The following CFAP299 variants were observed in gnomAD, a reference collection of about 807,000 sequenced individuals.
CFAP299 encodes cilia- and flagella-associated protein 299.
CFAP299 carries 21 observed loss-of-function variants against 27.0 expected under a neutral mutation model. The observed-to-expected ratio is 0.78, with a 90% CI of 0.55 to 1.12. The LOEUF (loss-of-function observed/expected upper bound fraction) is 1.12. Among genes scored for constraint, CFAP299 ranks in the 50% most tolerant of loss-of-function variants. CFAP299 has a pLI of 0.00. For synonymous variants in CFAP299, 104 were observed against 98.1 expected, an observed-to-expected ratio of 1.06 and a Z score of -0.36; for missense variants, 310 against 276.6, an observed-to-expected ratio of 1.12 and a Z score of -0.86.
chr4:80,654,422 C>G (rs1266812395), intron 3 of CFAP299, among the ~76,000 whole-genome samples: 3 of 152,058 alleles, frequency 2.0e-5, no homozygotes. Flanking sequence ...TTTCTTCAGC[C>G]TTTAGGGTAA....
At chr4:80,871,367 T>G in intron 4 of CFAP299, 3 of 985,472 alleles carry the variant, frequency 3.0e-6, no homozygotes, top group Non-Finnish European at 3.6e-6. Flanking sequence ...CACATTTTTT[T>G]CACTGCACTT....
At chr4:80,849,470 T>C (rs1731376041) in intron 3 of CFAP299, among the ~76,000 whole-genome samples, 1 of 152,120 alleles carries the variant, frequency 6.6e-6, no homozygotes, top group Non-Finnish European at 1.5e-5. Flanking sequence ...GTTTGAAACC[T>C]AGAAAAAAAT....
At chr4:80,405,552 C>A (rs971937408) in intron 2 of CFAP299, among the ~76,000 whole-genome samples, 4 of 151,922 alleles carry the variant, frequency 2.6e-5, no homozygotes, top group African/African-American at 9.7e-5. Context: ...TTTCAATTTG[C>A]AATTTTAAAA....
intron 2 of CFAP299, among the ~76,000 whole-genome samples, chr4:80,430,833 C>A (rs1334993951): frequency 6.6e-6 from 1 of 152,164 alleles, no homozygotes; most frequent in Non-Finnish European, 1.5e-5. Context: ...CATCTTTTTA[C>A]CTCATTAGCC....
intron 3 of CFAP299, among the ~76,000 whole-genome samples, chr4:80,757,411 G>C (rs964928896): frequency 1.3e-5 from 2 of 151,988 alleles, no homozygotes; most frequent in Admixed American, 6.6e-5. Flanking sequence ...GAAATTAGAG[G>C]ACAAATGTTT....
At chr4:80,639,286 C>G (rs752992069) in intron 3 of CFAP299, among the ~76,000 whole-genome samples, 3 of 152,100 alleles carry the variant, frequency 2.0e-5, no homozygotes, top group Admixed American at 6.5e-5. Flanking sequence ...GAGTAAAATA[C>G]AAATACTCTA....
chr4:80,701,836 T>C (rs903045042), intron 3 of CFAP299, among the ~76,000 whole-genome samples: 1 of 152,038 alleles, frequency 6.6e-6, no homozygotes, highest in African/African-American at 2.4e-5. Context: ...AGAATGATTA[T>C]AAACAATGAA....
intron 4 of CFAP299, among the ~76,000 whole-genome samples, chr4:80,913,566 T>C (rs1735587558): frequency 6.6e-6 from 1 of 152,122 alleles, no homozygotes; most frequent in South Asian, 2.1e-4. Context: ...ACTATGGCAT[T>C]GTAGAGGCAA....
chr4:80,416,515 A>ATC (rs1339135064), intron 2 of CFAP299, among the ~76,000 whole-genome samples: 1 of 152,188 alleles, frequency 6.6e-6, no homozygotes, highest in Non-Finnish European at 1.5e-5. Context: ...TTGTAAATCT[A>ATC]TATATTTCTG....
chr4:80,772,941 A>G (rs1726307090), intron 3 of CFAP299, among the ~76,000 whole-genome samples: 1 of 152,210 alleles, frequency 6.6e-6, no homozygotes, highest in Non-Finnish European at 1.5e-5. Flanking sequence ...TTACAATAGC[A>G]AAGACATGGA....
intron 2 of CFAP299, among the ~76,000 whole-genome samples, chr4:80,394,906 G>T (rs1284788733): frequency 1.3e-5 from 2 of 151,898 alleles, no homozygotes; most frequent in Non-Finnish European, 2.9e-5. Context: ...TTGGCTATTT[G>T]GGGTCTTTTG....
At chr4:80,511,063 C>T (rs747177507) in intron 2 of CFAP299, among the ~76,000 whole-genome samples, 2 of 152,202 alleles carry the variant, frequency 1.3e-5, no homozygotes, top group Non-Finnish European at 2.9e-5. Flanking sequence ...TTTAATGTTC[C>T]TATTTACTGA....
At chr4:80,838,449 G>T (rs1226215082) in intron 3 of CFAP299, among the ~76,000 whole-genome samples, 2 of 152,132 alleles carry the variant, frequency 1.3e-5, no homozygotes, top group Non-Finnish European at 2.9e-5. Flanking sequence ...TAGTGTGTAA[G>T]ATAGGGGTCC....
intron 2 of CFAP299, among the ~76,000 whole-genome samples, chr4:80,518,209 G>C (rs1244127140): frequency 1.3e-5 from 2 of 152,040 alleles, no homozygotes; most frequent in African/African-American, 4.8e-5. Flanking sequence ...TGGTGTACAG[G>C]AAATGATGCT....
intron 2 of CFAP299, among the ~76,000 whole-genome samples, chr4:80,418,632 T>G (rs1727136309): frequency 6.6e-6 from 1 of 152,174 alleles, no homozygotes; most frequent in Non-Finnish European, 1.5e-5. Flanking sequence ...TTGACTATCA[T>G]TTTTCCATTC....
chr4:80,321,983 A>C, the CFAP299 span, among the ~76,000 whole-genome samples: 3 of 152,180 alleles, frequency 2.0e-5, no homozygotes, highest in Non-Finnish European at 4.4e-5. Flanking sequence ...GTGGAAGGAC[A>C]GGTGCCCTGC....
At chr4:80,634,416 A>G (rs1739387318) in intron 3 of CFAP299, among the ~76,000 whole-genome samples, 1 of 152,080 alleles carries the variant, frequency 6.6e-6, no homozygotes, top group South Asian at 2.1e-4. Flanking sequence ...TGATTCCCTC[A>G]TGTGTAAAAT....
At chr4:80,953,687 A>T (rs1409716856) in intron 5 of CFAP299, among the ~76,000 whole-genome samples, 1 of 152,200 alleles carries the variant, frequency 6.6e-6, no homozygotes, top group Non-Finnish European at 1.5e-5. Flanking sequence ...GCATGAACTC[A>T]TATATGAACT....
At chr4:80,562,404 C>A (rs1395846950) in intron 2 of CFAP299, among the ~76,000 whole-genome samples, 1 of 151,956 alleles carries the variant, frequency 6.6e-6, no homozygotes, top group African/African-American at 2.4e-5. Context: ...TCGAGACTAG[C>A]CTGTCCAACA....
Sources: allele counts gnomAD v4.1 joint callset (sites outside exome capture counted in the v4.1 genomes callset), GRCh38; gene constraint gnomAD v4.1.1; transcripts MANE v1.5; gene names NCBI Gene and HGNC (gene_info 2026-07-23, HGNC 2026-07-21).